Variants in NF1 observed in about 807,000 individuals in gnomAD.
NF1 encodes neurofibromin.
NF1 carries 122 observed loss-of-function variants against 325.7 expected under a neutral mutation model. The observed-to-expected ratio is 0.37, with a 90% CI of 0.32 to 0.44. The LOEUF is 0.44. Ranked by LOEUF, NF1 falls within the 20% of genes least tolerant of loss-of-function variation. NF1 has a pLI of 1.00. For synonymous variants in NF1, 1,091 were observed against 1,186.0 expected (o/e 0.92, Z 1.65); for missense variants, 2,140 against 3,415.4 (o/e 0.63, Z 9.31).
chr17:31,116,851 T>A (rs1028974587), intron 1 of NF1, among the ~76,000 whole-genome samples: 1 of 150,462 alleles, frequency 6.6e-6, no homozygotes, highest in Non-Finnish European at 1.5e-5. Context: ...TGTATTTTTT[T>A]TTTTTTTAGT....
rs951687489 is a variant in NF1, at chr17:31,358,345, C to T, written c.7971-135C>T. The T allele has an allele frequency of 1.2e-5, 11 of 886,504 alleles. No homozygotes were observed. In the Admixed American group the frequency reaches 1.4e-4, roughly 11 times the overall value. The allele number at this position is 886,504 out of a possible 1,614,324, so 54.9% of individuals were successfully genotyped here. A position where few individuals can be genotyped will look rare whatever the true frequency, so the allele number is the denominator to read the frequency against. ...AAAATTTGGAAAATGAAGAAATGCCCCAGAAAGTAAAAAGCACTCATCTCC... is the reference window on the plus strand; with the variant it reads ...AAAATTTGGAAAATGAAGAAATGCCTCAGAAAGTAAAAAGCACTCATCTCC... On this transcript the variant is annotated intron_variant, in intron 54 of 57. Transcript: ENST00000358273.
intron 36 of NF1, among the ~76,000 whole-genome samples, chr17:31,283,492 C>G (rs1346222989): frequency 1.3e-5 from 2 of 151,522 alleles, no homozygotes; most frequent in Non-Finnish European, 2.9e-5. Context: ...CTCACTCTGT[C>G]GCCCAGGCTG....
rs2151554865 is a variant in NF1, at chr17:31,336,823, C to T, written c.6336C>T (p.Ala2112=). ...YLFHVVTFLV[A]TGPLSLRAST... ...TCCACGTTGTTACTTTCTTAGTAGC[C>T]ACAGGTCCGCTCTCCCTTAGAGCTT... Residue 2112 remains alanine, a synonymous_variant, in exon 42 of 58, where the codon GCC becomes GCT. Coordinates refer to ENST00000358273, the MANE Select transcript of NF1 (RefSeq NM_001042492.3). The surrounding 1 kb of genome is among the most constrained non-coding windows in gnomAD (Gnocchi z 5.5). The T allele has an allele frequency of 6.2e-7, 1 of 1,613,984 alleles. No homozygotes were observed. Among genetic ancestry groups the T allele is most frequent in the Admixed American group, 1.7e-5 (1 of 60,016 alleles).
Position 31,200,427 on chromosome 17 carries a change from A to G in NF1, c.894A>G (p.Leu298=), listed in dbSNP as rs1361812147. The change falls in exon 9 of 58, where the codon TTA becomes TTG. Residue 298 remains leucine, a synonymous_variant. Coordinates refer to ENST00000358273, the MANE Select transcript of NF1 (RefSeq NM_001042492.3). The stretch of plus-strand genomic sequence containing the variant: ...GCTATATTTGAATTCTGTAGAAGTT[A>G]TTTCTGGACAGTCTACGAAAAGCTC... ...VVDENNMNKK[L]FLDSLRKALA... 1 of 1,614,060 alleles carries G rather than the reference A, an allele frequency of 6.2e-7. No homozygotes were observed. Among genetic ancestry groups the G allele is most frequent in the African/African-American group, 1.3e-5 (1 of 75,044 alleles).
At chr17:31,189,137 G>A (rs2066293658) in intron 8 of NF1, among the ~76,000 whole-genome samples, 1 of 152,074 alleles carries the variant, frequency 6.6e-6, no homozygotes, top group African/African-American at 2.4e-5. Context: ...AGCTTTCTAA[G>A]TGTTTACTGG....
chr17:31,228,519 G>A (rs2067055037), intron 20 of NF1, among the ~76,000 whole-genome samples: 1 of 152,064 alleles, frequency 6.6e-6, no homozygotes, highest in Non-Finnish European at 1.5e-5. Flanking sequence ...TCACAGAGTT[G>A]TGCAACCATC....
chr17:31,326,707 G>T (rs2151539798), intron 37 of NF1, among the ~76,000 whole-genome samples: 1 of 152,256 alleles, frequency 6.6e-6, no homozygotes, highest in African/African-American at 2.4e-5. Context: ...TCATCATGGA[G>T]GTCCTGTGGA....
Position 31,163,045 on chromosome 17 carries a change from G to A in NF1, c.289-141G>A, listed in dbSNP as rs149027856. ...ACAGATGTAGCAAATATGATGAAAC[G>A]TTAACAGTTGTTAAATCTAGGTGGT... On this transcript the variant is annotated intron_variant, in intron 3 of 57. Transcript: ENST00000358273. 36 of 729,150 alleles carry A rather than the reference G, an allele frequency of 4.9e-5. No individual in the cohort carries two copies. In the African/African-American group the frequency reaches 5.3e-4, roughly 11 times the overall value. 45.2% of individuals were successfully genotyped at this position (729,150 alleles called of 1,614,324 possible).
chr17:31,196,716 A>G (rs1430037538), intron 8 of NF1, among the ~76,000 whole-genome samples: 3 of 152,124 alleles, frequency 2.0e-5, no homozygotes, highest in Non-Finnish European at 4.4e-5. Context: ...ATTTTTGTAT[A>G]TGATGTAAGA....
At chr17:31,098,431 C>T (rs1382959376) in intron 1 of NF1, among the ~76,000 whole-genome samples, 1 of 151,954 alleles carries the variant, frequency 6.6e-6, no homozygotes, top group African/African-American at 2.4e-5. Context: ...ATGATGCGAC[C>T]TTGGCTTACT....
rs370789267 is a variant in NF1, at chr17:31,225,143, T to A, written c.1894T>A (p.Cys632Ser). The A allele has an allele frequency of 1.2e-5, 20 of 1,613,664 alleles. No homozygotes were observed. The highest frequency in any genetic ancestry group is 2.7e-5 in the African/African-American group (2 of 74,890). Reference protein sequence around the residue: ...CHFLLFYGVGCDIPSSGNTSQ... With the variant: ...CHFLLFYGVGSDIPSSGNTSQ... ...CTTTCTCCTTTTTTACGGGGTAGGA[T>A]GTGATATTCCTTCTAGTGGAAATAC... The change falls in exon 17 of 58, where the codon TGT becomes AGT. Residue 632 changes from cysteine to serine, a missense_variant. Cys to Ser is a moderately radical substitution (Grantham distance 112). Transcript: ENST00000358273.
intron 36 of NF1, among the ~76,000 whole-genome samples, chr17:31,303,502 A>G (rs1178167078): frequency 6.6e-6 from 1 of 152,128 alleles, no homozygotes; most frequent in African/African-American, 2.4e-5. Flanking sequence ...AAAATCACCC[A>G]AAGTCACCCG....
At chr17:31,140,163 C>T (rs1012307517) in intron 1 of NF1, among the ~76,000 whole-genome samples, 3 of 152,168 alleles carry the variant, frequency 2.0e-5, no homozygotes, top group African/African-American at 7.2e-5. Flanking sequence ...TATTAAACAA[C>T]GTATCATCTG....
chr17:31,326,280 G>A (rs370773495), intron 37 of NF1, 28 bp downstream of exon 37: 21 of 1,592,758 alleles, frequency 1.3e-5, no homozygotes, highest in East Asian at 4.5e-5. Flanking sequence ...TTTTGTAAAC[G>A]ATTCATTGCT....
chr17:31,150,928 G>A (rs1916892867), intron 1 of NF1, among the ~76,000 whole-genome samples: 1 of 151,992 alleles, frequency 6.6e-6, no homozygotes, highest in African/African-American at 2.4e-5. Flanking sequence ...CCAGCTACTA[G>A]GGAGGCTGAG....
intron 1 of NF1, among the ~76,000 whole-genome samples, chr17:31,151,733 G>A (rs1423989807): frequency 2.0e-5 from 3 of 152,186 alleles, no homozygotes; most frequent in South Asian, 2.1e-4. Flanking sequence ...GAATAATGAC[G>A]AAAAGTCTGT....
intron 1 of NF1, among the ~76,000 whole-genome samples, chr17:31,101,201 T>C (rs536032816): frequency 1.2e-4 from 18 of 152,208 alleles, no homozygotes; most frequent in African/African-American, 1.4e-4. Flanking sequence ...TGGCAAAACA[T>C]AGTGGTCATT....
chr17:31,353,641 A>T (rs1040723178), intron 51 of NF1, among the ~76,000 whole-genome samples: 36 of 152,066 alleles, frequency 2.4e-4, no homozygotes, highest in African/African-American at 7.7e-4. Context: ...AAACAAAAAC[A>T]CTGATCTTAC....
intron 57 of NF1, chr17:31,361,370 A>T (rs2070396308): frequency 6.6e-6 from 1 of 152,580 alleles, no homozygotes; most frequent in Non-Finnish European, 1.5e-5. Flanking sequence ...AGAAATGGCA[A>T]ACCTACAGAA....
Sources: allele counts gnomAD v4.1 joint callset (sites outside exome capture counted in the v4.1 genomes callset), GRCh38; gene constraint gnomAD v4.1.1; non-coding constraint Gnocchi (gnomAD v3.1); transcripts MANE v1.5; gene names NCBI Gene and HGNC (gene_info 2026-07-23, HGNC 2026-07-21).